MPP7: variants seen among roughly 807,000 people sequenced by gnomAD.
MPP7 encodes the protein MAGUK p55 subfamily member 7.
Under a neutral mutation model 76.5 loss-of-function variants are expected in MPP7, and 60 were observed. The ratio of observed to expected loss-of-function variants is 0.78; its 90% CI spans 0.64 to 0.97. The LOEUF (loss-of-function observed/expected upper bound fraction) is 0.97, where lower values mean the gene tolerates loss of function less well. MPP7 is among the 50% of genes least tolerant of loss of function. The pLI is 0.00. For missense variants in MPP7, 641 were observed against 694.0 expected (o/e 0.92, Z 0.86); for synonymous variants, 237 against 244.5 (o/e 0.97, Z 0.29).
chr10:28,304,756 A>G (rs1213609839), upstream of MPP7, among the ~76,000 whole-genome samples: 7 of 152,202 alleles, frequency 4.6e-5, no homozygotes, highest in Admixed American at 3.3e-4. Context: ...TTCTTCTACA[A>G]TAACACCTGA....
chr10:28,052,815 A>G lies in MPP7; in HGVS notation c.*1250T>C, dbSNP rs1324223784. ...TTTCCACTTTGAAAGTCACAGATGC[A>G]ATGATTTTCGACGGGCAGGGCTTCA... is the stretch of plus-strand genomic sequence containing the variant. On this transcript the variant is annotated 3_prime_UTR_variant, in exon 17 of 17. Coordinates refer to ENST00000683449, the MANE Select transcript of MPP7 (RefSeq NM_001318170.2). The G allele has an allele frequency of 1.3e-5, 2 of 152,198 alleles. No individual in the cohort carries two copies. The highest frequency in any genetic ancestry group is 2.9e-5 in the Non-Finnish European group (2 of 68,032). 9.4% of individuals were successfully genotyped at this position (152,198 alleles called of 1,614,324 possible).
At chr10:28,181,699 CA>C (rs998465000) in intron 3 of MPP7, among the ~76,000 whole-genome samples, 1 of 151,616 alleles carries the variant, frequency 6.6e-6, no homozygotes. Flanking sequence ...AATAAACAAA[CA>C]AAAAAAACAC....
At chr10:28,118,972 C>A in intron 11 of MPP7, 9 of 985,308 alleles carry the variant, frequency 9.1e-6, no homozygotes, top group Non-Finnish European at 8.4e-6. Context: ...AACCATGAAA[C>A]ATCTAGGCGA....
At chr10:28,080,109 G>GAAAGAA (rs1470161664) in intron 12 of MPP7, among the ~76,000 whole-genome samples, 2 of 150,188 alleles carry the variant, frequency 1.3e-5, no homozygotes, top group Non-Finnish European at 3.0e-5. Flanking sequence ...GAAAGGAAAG[G>GAAAGAA]AAAGAAAAAG....
At chr10:28,118,192 AC>A in intron 11 of MPP7, 3 of 984,966 alleles carry the variant, frequency 3.0e-6, no homozygotes, top group Non-Finnish European at 3.6e-6. Context: ...AAACACACAT[AC>A]CCCCACACAC....
chr10:28,219,975 T>A (rs1434077251), intron 2 of MPP7, among the ~76,000 whole-genome samples: 1 of 152,098 alleles, frequency 6.6e-6, no homozygotes, highest in Non-Finnish European at 1.5e-5. Flanking sequence ...AGAGAGGCAA[T>A]CTCTTTCTCA....
chr10:28,131,799 G>A (rs1276211998), intron 5 of MPP7, 108 bp from the exon 6 acceptor site: 1 of 486,374 alleles, frequency 2.1e-6, no homozygotes, highest in Non-Finnish European at 2.8e-6. Flanking sequence ...AATCAAAACA[G>A]TGTTACGGTT....
chr10:28,097,803 T>C (rs971966839), intron 11 of MPP7, among the ~76,000 whole-genome samples: 1 of 152,148 alleles, frequency 6.6e-6, no homozygotes, highest in Non-Finnish European at 1.5e-5. Flanking sequence ...TACAAAAATA[T>C]GTAAGGCAGT....
chr10:28,217,475 C>T (rs1300038457), intron 2 of MPP7, among the ~76,000 whole-genome samples: 2 of 147,246 alleles, frequency 1.4e-5, no homozygotes, highest in South Asian at 4.3e-4. Flanking sequence ...TGCAGTGAGC[C>T]GAGATCGCAC....
At chr10:28,133,313 A>G (rs1835254625) in intron 5 of MPP7, among the ~76,000 whole-genome samples, 1 of 152,194 alleles carries the variant, frequency 6.6e-6, no homozygotes, top group Admixed American at 6.5e-5. Flanking sequence ...TGGGATGACC[A>G]AACTCTCCAG....
chr10:28,176,964 C>G (rs1381264722), intron 3 of MPP7, among the ~76,000 whole-genome samples: 2 of 148,568 alleles, frequency 1.3e-5, no homozygotes, highest in African/African-American at 2.5e-5. Context: ...CAACATGGCA[C>G]ATGTATACAT....
At chr10:28,089,897 C>CA (rs770444602) in intron 11 of MPP7, 56 bp from the exon 12 acceptor site, 117,036 of 604,104 alleles carry the variant, frequency 0.19, 638 homozygotes, top group Middle Eastern at 0.27. Flanking sequence ...AAGAAACCCT[C>CA]AAAAAAAAAA....
intron 2 of MPP7, among the ~76,000 whole-genome samples, chr10:28,228,979 A>G (rs1838788688): frequency 6.6e-6 from 1 of 152,214 alleles, no homozygotes; most frequent in Non-Finnish European, 1.5e-5. Context: ...GTTAAGAAAG[A>G]TAAGGGATAG....
intron 3 of MPP7, among the ~76,000 whole-genome samples, chr10:28,165,271 C>T (rs1836410338): frequency 6.6e-6 from 1 of 152,180 alleles, no homozygotes; most frequent in African/African-American, 2.4e-5. Flanking sequence ...CACTCCTATA[C>T]TCCCAGAGCT....
chr10:28,222,721 G>A (rs1461402919), intron 2 of MPP7, among the ~76,000 whole-genome samples: 6 of 146,636 alleles, frequency 4.1e-5, no homozygotes, highest in East Asian at 4.2e-4. Context: ...GCGTGGTGGC[G>A]GGCGCCTATA....
intron 3 of MPP7, among the ~76,000 whole-genome samples, chr10:28,188,554 T>C (rs1329663596): frequency 6.6e-6 from 1 of 152,166 alleles, no homozygotes; most frequent in African/African-American, 2.4e-5. Flanking sequence ...GATCATCTAC[T>C]GAGGAATATG....
At chr10:28,150,124 T>C (rs1835835254) in intron 3 of MPP7, 65 bp from the exon 4 acceptor site, 1 of 1,120,718 alleles carries the variant, frequency 8.9e-7, no homozygotes, top group African/African-American at 1.5e-5. Flanking sequence ...GCTGCACATT[T>C]TTATACTTGA....
In MPP7 at chr10:28,150,987, CTCT is replaced by C. The variant is rs561628103; in HGVS notation, c.157-931_157-929del. Among the ~76,000 whole-genome samples, 523 of 152,266 alleles carry C rather than the reference CTCT, an allele frequency of 3.4e-3. 3 individuals are homozygous for C. Among genetic ancestry groups the C allele is most frequent in the African/African-American group, 0.012 (478 of 41,562 alleles). On this transcript the variant is annotated intron_variant, in intron 3 of 16. Transcript: ENST00000683449. ...TTTATACTTGAAAACTCACTTTAGTCTCTTTTTATTTATAGTTGAAGAAAAATG... is the reference window on the plus strand; with the variant it reads ...TTTATACTTGAAAACTCACTTTAGTCTTTTATTTATAGTTGAAGAAAAATG...
At chr10:28,262,748 C>A (rs964181244) in intron 1 of MPP7, among the ~76,000 whole-genome samples, 1 of 152,108 alleles carries the variant, frequency 6.6e-6, no homozygotes, top group African/African-American at 2.4e-5. Context: ...CTTGAGGAGA[C>A]TAATACAATG....
Sources: gnomAD v4.1 joint callset for allele counts (sites outside exome capture counted in the v4.1 genomes callset) on GRCh38, gnomAD v4.1.1 for gene constraint, MANE v1.5 for transcripts, NCBI Gene and HGNC (gene_info 2026-07-23, HGNC 2026-07-21) for gene names.